ADGRB3: variants seen among roughly 807,000 people sequenced by gnomAD.
The protein encoded by ADGRB3 is adhesion G protein-coupled receptor B3.
ADGRB3 carries 37 observed loss-of-function variants against 193.4 expected under a neutral mutation model. The observed-to-expected ratio is 0.19, with a 90% CI of 0.15 to 0.25. ADGRB3 has a LOEUF of 0.25. Ranked by LOEUF, ADGRB3 falls within the 10% of genes least tolerant of loss-of-function variation. The pLI is 1.00. For synonymous variants in ADGRB3, 690 were observed against 644.2 expected (o/e 1.07, Z -1.08); for missense variants, 1,637 against 1,852.9 (o/e 0.88, Z 2.14).
At chr6:68,669,845 A>G (rs759185332) in intron 3 of ADGRB3, among the ~76,000 whole-genome samples, 8 of 152,008 alleles carry the variant, frequency 5.3e-5, no homozygotes, top group Non-Finnish European at 1.2e-4. Flanking sequence ...AGAACATCCA[A>G]ACTGTTGTCC....
chr6:69,195,665 C>T (rs1765279042), intron 17 of ADGRB3, among the ~76,000 whole-genome samples: 1 of 151,692 alleles, frequency 6.6e-6, no homozygotes, highest in South Asian at 2.1e-4. Context: ...GGCAGGTTTT[C>T]ATTTATTGCT....
At chr6:69,302,490 C>T (rs1422901452) in intron 20 of ADGRB3, among the ~76,000 whole-genome samples, 1 of 151,856 alleles carries the variant, frequency 6.6e-6, no homozygotes, top group Non-Finnish European at 1.5e-5. Context: ...ATGAACAATA[C>T]CCCTGGCCAT....
At chr6:69,090,390 T>C (rs1481658769) in intron 17 of ADGRB3, among the ~76,000 whole-genome samples, 1 of 152,164 alleles carries the variant, frequency 6.6e-6, no homozygotes, top group Admixed American at 6.5e-5. Flanking sequence ...AGGCTATCCT[T>C]TGGCTGAAAG....
intron 3 of ADGRB3, among the ~76,000 whole-genome samples, chr6:68,896,726 T>C (rs1374698771): frequency 6.6e-6 from 1 of 152,120 alleles, no homozygotes; most frequent in Non-Finnish European, 1.5e-5. Context: ...ATACTAGGAA[T>C]TTTAAAGAAA....
chr6:68,721,072 T>C lies in ADGRB3; in HGVS notation c.757+81640T>C, dbSNP rs540975805. Among the ~76,000 whole-genome samples, 59 of 151,914 alleles carry C rather than the reference T, an allele frequency of 3.9e-4. No homozygotes were observed. In the South Asian group the frequency reaches 0.012, roughly 30 times the overall value. On this transcript the variant is annotated intron_variant, in intron 3 of 31. Coordinates refer to ENST00000370598, the MANE Select transcript of ADGRB3 (RefSeq NM_001704.3). ...CCATTGTGGAAGACAGTGTGGCGAT[T>C]CCTCAGGGATCTAGAACTAGAAATA...
intron 3 of ADGRB3, among the ~76,000 whole-genome samples, chr6:68,729,850 A>G (rs879353390): frequency 1.1e-4 from 17 of 151,546 alleles, no homozygotes; most frequent in Non-Finnish European, 2.5e-4. Context: ...TGTAGATCCT[A>G]CTTCTGGACA....
intron 13 of ADGRB3, among the ~76,000 whole-genome samples, chr6:69,025,599 G>A (rs1459678120): frequency 2.0e-5 from 3 of 150,194 alleles, no homozygotes; most frequent in African/African-American, 7.4e-5. Flanking sequence ...GTCTGAATGT[G>A]CTAAGTTCTA....
At position 68,789,551 on chromosome 6, in the gene ADGRB3, T is replaced by C. The variant is rs187561768; in HGVS notation, c.758-141008T>C. Among the ~76,000 whole-genome samples the C allele has an allele frequency of 7.0e-4, 106 of 152,370 alleles. 1 individual carries two copies. In the East Asian group the frequency reaches 0.019, roughly 27 times the overall value. On this transcript the variant is annotated intron_variant, in intron 3 of 31. Transcript: ENST00000370598. Reference sequence around the variant, plus strand: ...TGTTAGTCTGATGAGCTTCCCTTTGTGGGTAATCCGACCTTTCTCTCTGGC... The same window carrying C: ...TGTTAGTCTGATGAGCTTCCCTTTGCGGGTAATCCGACCTTTCTCTCTGGC...
At chr6:69,261,955 T>C (rs1766939410) in intron 20 of ADGRB3, among the ~76,000 whole-genome samples, 1 of 152,072 alleles carries the variant, frequency 6.6e-6, no homozygotes, top group Non-Finnish European at 1.5e-5. Context: ...TCTGTCTTTA[T>C]TAACAGGTTA....
At chr6:69,096,688 T>C (rs537728148) in intron 17 of ADGRB3, among the ~76,000 whole-genome samples, 1 of 152,328 alleles carries the variant, frequency 6.6e-6, no homozygotes, top group South Asian at 2.1e-4. Context: ...GATATGACCC[T>C]GTTCTCATAG....
chr6:69,297,984 T>G (rs2127295409), intron 20 of ADGRB3, among the ~76,000 whole-genome samples: 1 of 152,124 alleles, frequency 6.6e-6, no homozygotes, highest in South Asian at 2.1e-4. Context: ...CCTCTTGGAG[T>G]TTTCGTTCTC....
chr6:69,153,896 G>A (rs753764297), intron 17 of ADGRB3, among the ~76,000 whole-genome samples: 48 of 152,100 alleles, frequency 3.2e-4, no homozygotes, highest in Non-Finnish European at 4.7e-4. Flanking sequence ...GGGAGGCTGA[G>A]GCAGGAGAAT....
At chr6:69,167,573 C>T (rs1395729560) in intron 17 of ADGRB3, among the ~76,000 whole-genome samples, 1 of 151,966 alleles carries the variant, frequency 6.6e-6, no homozygotes, top group African/African-American at 2.4e-5. Context: ...TGGGTTTTTC[C>T]AGTTTTGTTT....
chr6:69,327,769 T>G, intron 21 of ADGRB3, 51 bp from the exon 22 acceptor site: 1 of 1,531,238 alleles, frequency 6.5e-7, no homozygotes, highest in Non-Finnish European at 9.0e-7. Context: ...TAGACCAGTA[T>G]GCATAGTGGT....
At chr6:69,328,000 A>C in intron 22 of ADGRB3, 111 bp downstream of exon 22, 1 of 866,138 alleles carries the variant, frequency 1.2e-6, no homozygotes, top group Non-Finnish European at 1.7e-6. Context: ...TAACAATGGT[A>C]GAAATTGCAT....
intron 20 of ADGRB3, among the ~76,000 whole-genome samples, chr6:69,252,222 TA>T (rs1177573355): frequency 1.3e-5 from 2 of 152,168 alleles, no homozygotes; most frequent in African/African-American, 4.8e-5. Flanking sequence ...TATATTGTTG[TA>T]TGTATTAGTG....
chr6:68,751,879 C>T (rs879798279), intron 3 of ADGRB3, among the ~76,000 whole-genome samples: 3 of 152,208 alleles, frequency 2.0e-5, no homozygotes, highest in Admixed American at 6.5e-5. Context: ...ACTATAAGCC[C>T]TCCATCTGTG....
chr6:69,131,847 T>G (rs1161864925), intron 17 of ADGRB3, among the ~76,000 whole-genome samples: 1 of 150,252 alleles, frequency 6.7e-6, no homozygotes, highest in Non-Finnish European at 1.5e-5. Flanking sequence ...TCATTGTTCA[T>G]CTCCCACTTA....
chr6:69,230,180 G>A (rs767025873), intron 17 of ADGRB3, among the ~76,000 whole-genome samples: 10 of 152,138 alleles, frequency 6.6e-5, no homozygotes, highest in Non-Finnish European at 1.0e-4. Flanking sequence ...TCAGTATGAT[G>A]TACATGCCTG....
Sources: gnomAD v4.1 joint callset for allele counts (sites outside exome capture counted in the v4.1 genomes callset) on GRCh38, gnomAD v4.1.1 for gene constraint, MANE v1.5 for transcripts, NCBI Gene and HGNC (gene_info 2026-07-23, HGNC 2026-07-21) for gene names.